EPB41: variants seen among roughly 807,000 people sequenced by gnomAD.
EPB41 encodes the protein erythrocyte membrane protein band 4.1.
EPB41 carries 65 observed loss-of-function variants against 108.0 expected under a neutral mutation model. The observed-to-expected ratio is 0.60, with a 90% CI of 0.49 to 0.74. The LOEUF (loss-of-function observed/expected upper bound fraction) is 0.74, where lower values mean the gene tolerates loss of function less well. Ranked by LOEUF, EPB41 falls within the 30% of genes least tolerant of loss-of-function variation. The pLI, the probability that EPB41 is intolerant of heterozygous loss-of-function variation, is 0.00. For synonymous variants in EPB41, 336 were observed against 358.9 expected (o/e 0.94, Z 0.72); for missense variants, 875 against 1,037.0 (o/e 0.84, Z 2.15).
At chr1:28,949,318 C>T (rs1315653242) in intron 1 of EPB41, among the ~76,000 whole-genome samples, 1 of 152,048 alleles carries the variant, frequency 6.6e-6, no homozygotes, top group Non-Finnish European at 1.5e-5. Flanking sequence ...GTGGTGTGCA[C>T]CTGTAGTTCC....
chr1:29,054,867 G>A (rs1047600582), intron 12 of EPB41, among the ~76,000 whole-genome samples: 5 of 151,838 alleles, frequency 3.3e-5, no homozygotes, highest in South Asian at 2.1e-4. Context: ...GTGAAGCCCC[G>A]TCTTTACTAA....
At chr1:29,007,120 T>A (rs2096418310) in intron 4 of EPB41, among the ~76,000 whole-genome samples, 1 of 151,616 alleles carries the variant, frequency 6.6e-6, no homozygotes, top group Non-Finnish European at 1.5e-5. Context: ...TGAGACAGGG[T>A]CTCACCCTGT....
At chr1:29,025,871 G>A (rs1413629472) in intron 7 of EPB41, among the ~76,000 whole-genome samples, 2 of 151,694 alleles carry the variant, frequency 1.3e-5, no homozygotes, top group Non-Finnish European at 2.9e-5. Context: ...GGCATGAAGA[G>A]TCAGAGCTCA....
intron 1 of EPB41, among the ~76,000 whole-genome samples, chr1:28,941,894 C>CAAAAAAA (rs58524634): frequency 1.5e-4 from 10 of 64,854 alleles, no homozygotes; most frequent in African/African-American, 5.6e-4. Flanking sequence ...AGCTCTGTCT[C>CAAAAAAA]AAAAAAAAAA....
intron 16 of EPB41, among the ~76,000 whole-genome samples, chr1:29,069,014 G>C (rs1649919889): frequency 6.6e-6 from 1 of 152,174 alleles, no homozygotes; most frequent in South Asian, 2.1e-4. Flanking sequence ...TTGAAAAGCT[G>C]CATGAAGATA....
At chr1:29,099,348 A>G (rs1185816325) in intron 17 of EPB41, among the ~76,000 whole-genome samples, 2 of 151,622 alleles carry the variant, frequency 1.3e-5, no homozygotes, top group Non-Finnish European at 2.9e-5. Flanking sequence ...TTTCTGAGAA[A>G]GGGTCTCACT....
intron 16 of EPB41, among the ~76,000 whole-genome samples, chr1:29,075,109 A>G (rs1468427868): frequency 2.0e-5 from 3 of 147,034 alleles, no homozygotes; most frequent in Non-Finnish European, 4.5e-5. Context: ...GTGAGCCGAG[A>G]TCACGCCACT....
At chr1:28,955,786 G>T (rs1038927124) in intron 1 of EPB41, among the ~76,000 whole-genome samples, 1 of 152,210 alleles carries the variant, frequency 6.6e-6, no homozygotes, top group Non-Finnish European at 1.5e-5. Context: ...GGACAGTGAA[G>T]GGAATGGAGA....
chr1:28,943,158 C>G (rs751820554), intron 1 of EPB41, among the ~76,000 whole-genome samples: 1 of 152,022 alleles, frequency 6.6e-6, no homozygotes, highest in Non-Finnish European at 1.5e-5. Flanking sequence ...GTGAAACAAG[C>G]AAAATATGTT....
At chr1:29,049,837 T>C (rs1371624728) in intron 11 of EPB41, among the ~76,000 whole-genome samples, 2 of 152,188 alleles carry the variant, frequency 1.3e-5, no homozygotes, top group Admixed American at 1.3e-4. Flanking sequence ...TAAAGTTATG[T>C]ATTGTCTATA....
rs114762958 is a variant in EPB41 at position 28,998,364 on chromosome 1, A to G, written c.786+1045A>G. On this transcript the variant is annotated intron_variant, in intron 4 of 20. Coordinates refer to ENST00000343067, the MANE Select transcript of EPB41 (RefSeq NM_001376013.1). The stretch of plus-strand genomic sequence containing the variant: ...GAGTAACAGATGAATCTGGACAGGT[A>G]TACGTCCAGGTTGCGGGGTGGGTGT... 9.4e-3 allele frequency among the ~76,000 whole-genome samples: 1,438 copies of G among 152,314 alleles called. 12 individuals carry two copies. Among genetic ancestry groups the G allele is most frequent in the Non-Finnish European group, 0.016 (1,115 of 68,022 alleles).
intron 1 of EPB41, among the ~76,000 whole-genome samples, chr1:28,950,707 T>G (rs768260367): frequency 6.6e-6 from 1 of 152,168 alleles, no homozygotes; most frequent in Non-Finnish European, 1.5e-5. Flanking sequence ...TTGTTCTTAT[T>G]AACAAAAATC....
intron 1 of EPB41, among the ~76,000 whole-genome samples, chr1:28,971,130 G>A (rs1406925705): frequency 6.7e-6 from 1 of 149,124 alleles, no homozygotes; most frequent in Non-Finnish European, 1.5e-5. Flanking sequence ...TTACAGGCAT[G>A]AGCCACCACA....
chr1:28,998,692 T>C (rs1324795132), intron 4 of EPB41, among the ~76,000 whole-genome samples: 1 of 152,222 alleles, frequency 6.6e-6, no homozygotes, highest in Non-Finnish European at 1.5e-5. Context: ...TATTATTCTT[T>C]AAAGACTTAA....
chr1:28,981,841 GT>G (rs1445562127), intron 1 of EPB41, among the ~76,000 whole-genome samples: 2 of 147,786 alleles, frequency 1.4e-5, no homozygotes, highest in Admixed American at 1.3e-4. Context: ...GCCCATCATG[GT>G]TTTTTTTTCT....
At chr1:28,979,378 T>C (rs2095680810) in intron 1 of EPB41, among the ~76,000 whole-genome samples, 1 of 151,478 alleles carries the variant, frequency 6.6e-6, no homozygotes, top group Admixed American at 6.6e-5. Flanking sequence ...TGAAAATGCA[T>C]GCGAAAAATA....
chr1:28,914,065 G>A (rs1032222688), upstream of EPB41, among the ~76,000 whole-genome samples: 1 of 152,206 alleles, frequency 6.6e-6, no homozygotes, highest in Non-Finnish European at 1.5e-5. Flanking sequence ...TCAAACTAGT[G>A]GATGGGGAAA....
At chr1:29,114,651 A>G (rs1205588631) in intron 19 of EPB41, among the ~76,000 whole-genome samples, 1 of 151,568 alleles carries the variant, frequency 6.6e-6, no homozygotes, top group Non-Finnish European at 1.5e-5. Flanking sequence ...AAAAAAAAAA[A>G]AAAAAAAAAG....
chr1:28,976,005 T>A (rs2095600762), intron 1 of EPB41, among the ~76,000 whole-genome samples: 1 of 149,224 alleles, frequency 6.7e-6, no homozygotes, highest in Non-Finnish European at 1.5e-5. Flanking sequence ...AACTTGAAAC[T>A]GGTAGAAATA....
Sources: allele counts gnomAD v4.1 joint callset (sites outside exome capture counted in the v4.1 genomes callset), GRCh38; gene constraint gnomAD v4.1.1; transcripts MANE v1.5; gene names NCBI Gene and HGNC (gene_info 2026-07-23, HGNC 2026-07-21).